Variants in ALDH1A2 observed in about 807,000 individuals in gnomAD.
ALDH1A2 encodes the protein retinal dehydrogenase 2.
In ALDH1A2, 27 loss-of-function variants were observed where a neutral mutation model predicts 60.3. That is an observed-to-expected ratio of 0.45 (90% CI 0.33 to 0.62). The LOEUF (loss-of-function observed/expected upper bound fraction) is 0.62. Ranked by LOEUF, ALDH1A2 falls within the 20% of genes least tolerant of loss-of-function variation. The pLI, the probability that ALDH1A2 is intolerant of heterozygous loss-of-function variation, is 0.02. For missense variants in ALDH1A2, 581 were observed against 643.8 expected, an observed-to-expected ratio of 0.90 and a Z score of 1.06; for synonymous variants, 289 against 232.4, an observed-to-expected ratio of 1.24 and a Z score of -2.21.
At position 57,962,179 on chromosome 15, in the gene ALDH1A2, G is replaced by A; in HGVS notation, c.1087-3C>T. ...TTGTTGTACTGTTTCTTATCAATCTGTGGGAGACAAGACTTAATGACTCCA... is the reference window on the plus strand; with the variant it reads ...TTGTTGTACTGTTTCTTATCAATCTATGGGAGACAAGACTTAATGACTCCA... On this transcript the variant is annotated splice_polypyrimidine_tract_variant and splice_region_variant and intron_variant, in intron 9 of 12. Coordinates refer to ENST00000249750, the MANE Select transcript of ALDH1A2 (RefSeq NM_003888.4). The A allele has an allele frequency of 6.2e-7, 1 of 1,614,010 alleles. No individual in the cohort carries two copies. Among genetic ancestry groups the A allele is most frequent in the Non-Finnish European group, 8.5e-7 (1 of 1,179,920 alleles).
intron 8 of ALDH1A2, among the ~76,000 whole-genome samples, chr15:57,965,350 G>A (rs1447230888): frequency 6.6e-6 from 1 of 152,182 alleles, no homozygotes; most frequent in East Asian, 1.9e-4. Flanking sequence ...ATTTAAAATG[G>A]TCTACCAGCC....
intron 1 of ALDH1A2, among the ~76,000 whole-genome samples, chr15:58,041,302 T>C (rs1008577007): frequency 1.3e-5 from 2 of 151,868 alleles, no homozygotes; most frequent in South Asian, 2.1e-4. Flanking sequence ...TAAATATAGA[T>C]TGGAGTGAAA....
intron 7 of ALDH1A2, among the ~76,000 whole-genome samples, chr15:57,985,485 G>A (rs1894666514): frequency 6.6e-6 from 1 of 152,142 alleles, no homozygotes; most frequent in Non-Finnish European, 1.5e-5. Context: ...AGGTATGTAT[G>A]CTATTATTAA....
Position 57,954,898 on chromosome 15 carries a change from C to T in ALDH1A2, c.*299G>A, listed in dbSNP as rs1433399734. 4.2e-6 allele frequency: 2 copies of T among 472,686 alleles called. No homozygotes were observed. Among genetic ancestry groups the T allele is most frequent in the African/African-American group, 3.9e-5 (2 of 51,096 alleles). The allele number at this position is 472,686 out of a possible 1,614,324, so 29.3% of individuals were successfully genotyped here. Reference sequence around the variant, plus strand: ...CAAAGACATGAAATAATACAGCTCCCTTATTTCATCCTGTGCTCCAGAAGG... The same window carrying T: ...CAAAGACATGAAATAATACAGCTCCTTTATTTCATCCTGTGCTCCAGAAGG... On this transcript the variant is annotated 3_prime_UTR_variant, in exon 13 of 13. Transcript: ENST00000249750.
intron 7 of ALDH1A2, among the ~76,000 whole-genome samples, chr15:57,969,989 T>C (rs558626952): frequency 1.3e-5 from 2 of 152,338 alleles, no homozygotes; most frequent in East Asian, 3.9e-4. Flanking sequence ...TCTCAGCTTC[T>C]GCATCTGTAG....
chr15:58,058,090 G>T, intron 1 of ALDH1A2: 6 of 1,533,334 alleles, frequency 3.9e-6, no homozygotes, highest in Non-Finnish European at 5.2e-6. Flanking sequence ...GATTCTGCCA[G>T]CAAGTCCAAT....
chr15:57,975,400 C>G (rs1894214507), intron 7 of ALDH1A2, among the ~76,000 whole-genome samples: 1 of 152,192 alleles, frequency 6.6e-6, no homozygotes, highest in African/African-American at 2.4e-5. Context: ...GGTTGAACAT[C>G]CCTTATCAAA....
At chr15:58,039,375 G>A (rs1298163147) in intron 1 of ALDH1A2, among the ~76,000 whole-genome samples, 3 of 151,502 alleles carry the variant, frequency 2.0e-5, no homozygotes, top group Non-Finnish European at 3.0e-5. Flanking sequence ...AACACCAGAT[G>A]AAAAAGGGAT....
At chr15:57,979,151 TCTGTTGGC>T (rs1215799532) in intron 7 of ALDH1A2, among the ~76,000 whole-genome samples, 1 of 152,018 alleles carries the variant, frequency 6.6e-6, no homozygotes, top group Admixed American at 6.6e-5. Context: ...AGGTCTGAGG[TCTGTTGGC>T]CTGAGGGTCC....
Position 57,965,662 on chromosome 15 carries a change from G to C in ALDH1A2, c.901+63C>G, listed in dbSNP as rs1893870052. 10 of 1,164,052 alleles carry C rather than the reference G, an allele frequency of 8.6e-6. No individual in the cohort carries two copies. In the South Asian group the frequency reaches 1.1e-4, roughly 13 times the overall value. 72.1% of individuals were successfully genotyped at this position (1,164,052 alleles called of 1,614,324 possible). A position where few individuals can be genotyped will look rare whatever the true frequency, so the allele number is the denominator to read the frequency against. ...TTGCTAGTGTCCCATCAAAAGTGGAGATATAAAAGAGAGCACCAAAGGGTG... is the reference window on the plus strand; with the variant it reads ...TTGCTAGTGTCCCATCAAAAGTGGACATATAAAAGAGAGCACCAAAGGGTG... On this transcript the variant is annotated intron_variant, in intron 8 of 12. Transcript: ENST00000249750.
At chr15:57,958,211 C>A (rs1252104723) in intron 12 of ALDH1A2, among the ~76,000 whole-genome samples, 1 of 150,108 alleles carries the variant, frequency 6.7e-6, no homozygotes, top group East Asian at 1.9e-4. Flanking sequence ...CGTGTACACG[C>A]ACGCACACAC....
At chr15:57,970,626 TA>T in intron 7 of ALDH1A2, among the ~76,000 whole-genome samples, 1 of 152,304 alleles carries the variant, frequency 6.6e-6, no homozygotes, top group Middle Eastern at 3.4e-3. Flanking sequence ...ACACAGTTTC[TA>T]AAGTTGGGTA....
chr15:58,005,880 G>A (rs1285149142), intron 4 of ALDH1A2, among the ~76,000 whole-genome samples: 2 of 151,804 alleles, frequency 1.3e-5, no homozygotes, highest in African/African-American at 4.8e-5. Context: ...CTTGAGAAAA[G>A]TAGGCTCTAG....
At chr15:58,040,878 A>C (rs1243815038) in intron 1 of ALDH1A2, among the ~76,000 whole-genome samples, 8 of 151,932 alleles carry the variant, frequency 5.3e-5, no homozygotes, top group Non-Finnish European at 1.5e-5. Flanking sequence ...GTAGGCAGTC[A>C]TGTTTGTCCT....
At chr15:58,033,394 C>A (rs542216053) in intron 1 of ALDH1A2, among the ~76,000 whole-genome samples, 9 of 151,982 alleles carry the variant, frequency 5.9e-5, no homozygotes, top group African/African-American at 2.2e-4. Context: ...TATTGTTGCT[C>A]ATTTTATAAT....
intron 7 of ALDH1A2, among the ~76,000 whole-genome samples, chr15:57,991,804 C>A (rs1234575031): frequency 6.6e-6 from 1 of 152,142 alleles, no homozygotes; most frequent in Non-Finnish European, 1.5e-5. Context: ...TAGCACTGTT[C>A]TAGACCTGCG....
chr15:58,023,194 A>G (rs916753889), intron 1 of ALDH1A2, among the ~76,000 whole-genome samples: 3 of 152,172 alleles, frequency 2.0e-5, no homozygotes, highest in Non-Finnish European at 2.9e-5. Flanking sequence ...CATTGAAGGG[A>G]AAAAAATGCA....
chr15:58,026,662 C>G (rs529004896), intron 1 of ALDH1A2, among the ~76,000 whole-genome samples: 1 of 152,148 alleles, frequency 6.6e-6, no homozygotes, highest in African/African-American at 2.4e-5. Context: ...TACACTCTTG[C>G]CCAAATACTG....
intron 7 of ALDH1A2, among the ~76,000 whole-genome samples, chr15:57,980,804 G>T (rs1894474113): frequency 6.6e-6 from 1 of 152,212 alleles, no homozygotes; most frequent in Admixed American, 6.5e-5. Flanking sequence ...CTCATAAAAT[G>T]AGTTAGGGAG....
Sources: gnomAD v4.1 joint callset for allele counts (sites outside exome capture counted in the v4.1 genomes callset) on GRCh38, gnomAD v4.1.1 for gene constraint, MANE v1.5 for transcripts, NCBI Gene and HGNC (gene_info 2026-07-23, HGNC 2026-07-21) for gene names.